The following WDPCP variants were observed in gnomAD, a reference collection of about 807,000 sequenced individuals.
The protein encoded by WDPCP is WD repeat-containing and planar cell polarity effector protein fritz homolog.
A neutral mutation model predicts 93.1 loss-of-function variants in WDPCP; 71 were observed. The ratio of observed to expected loss-of-function variants is 0.76; its 90% confidence interval spans 0.63 to 0.93. WDPCP has a LOEUF of 0.93. Ranked by LOEUF, WDPCP falls within the 40% of genes least tolerant of loss-of-function variation. The probability of loss-of-function intolerance (pLI) is 0.00; values close to 1 mark genes in which losing one functional copy is unlikely to be tolerated. For synonymous variants in WDPCP, 315 were observed against 315.0 expected, an observed-to-expected ratio of 1.00 and a Z score of 0.00; for missense variants, 844 against 887.4, an observed-to-expected ratio of 0.95 and a Z score of 0.62.
Position 63,159,914 on chromosome 2 carries a change from T to C in WDPCP, c.2079-6340A>G, listed in dbSNP as rs1197764907. Among the ~76,000 whole-genome samples, 10 of 152,230 alleles carry C rather than the reference T, an allele frequency of 6.6e-5. No homozygotes were observed. In the East Asian group the frequency reaches 1.9e-3, roughly 29 times the overall value. On this transcript the variant is annotated intron_variant, in intron 15 of 17. Coordinates refer to ENST00000272321, the MANE Select transcript of WDPCP (RefSeq NM_015910.7). ...GGGGTTGTTTTCACAAGCTTTCATG[T>C]CTGCAATCTCCTTTGGTGCTTTCTG...
intron 12 of WDPCP, among the ~76,000 whole-genome samples, chr2:63,342,269 T>C (rs571334304): frequency 4.6e-5 from 7 of 152,152 alleles, no homozygotes; most frequent in Admixed American, 1.3e-4. Flanking sequence ...TACCTGGGGA[T>C]TGGGGACCCT....
At chr2:63,530,325 C>T (rs2106229065) in intron 1 of WDPCP, among the ~76,000 whole-genome samples, 1 of 152,252 alleles carries the variant, frequency 6.6e-6, no homozygotes, top group East Asian at 1.9e-4. Context: ...CCTGCTTTCT[C>T]TTGTGGGCAT....
chr2:63,356,410 A>G (rs1690024617), intron 12 of WDPCP, among the ~76,000 whole-genome samples: 1 of 152,244 alleles, frequency 6.6e-6, no homozygotes, highest in South Asian at 2.1e-4. Context: ...ACCTGAACTC[A>G]GCATTGAACC....
chr2:63,545,857 TAA>T (rs76994891), intron 1 of WDPCP, among the ~76,000 whole-genome samples: 42 of 131,942 alleles, frequency 3.2e-4, no homozygotes, highest in Admixed American at 5.4e-4. Flanking sequence ...CGCTCAGATT[TAA>T]AAAAAAAAAA....
At chr2:63,620,491 G>A (rs1380688844) in intron 3 of WDPCP, among the ~76,000 whole-genome samples, 2 of 152,148 alleles carry the variant, frequency 1.3e-5, no homozygotes, top group Non-Finnish European at 2.9e-5. Context: ...CCTCTGGGCA[G>A]GACATCCCTG....
intron 2 of WDPCP, among the ~76,000 whole-genome samples, chr2:63,690,602 A>T (rs1378594809): frequency 2.0e-5 from 3 of 152,054 alleles, no homozygotes; most frequent in Non-Finnish European, 4.4e-5. Context: ...AAAAATACAA[A>T]AACTAGGCAG....
intron 12 of WDPCP, among the ~76,000 whole-genome samples, chr2:63,363,879 A>G (rs1484033530): frequency 2.0e-5 from 3 of 152,050 alleles, no homozygotes; most frequent in African/African-American, 7.2e-5. Context: ...ATTAACCAAG[A>G]TAATACCCAA....
chr2:63,404,408 A>T lies in WDPCP; in HGVS notation c.1075T>A (p.Ser359Thr). ...EDKLILGCED[S>T]SLILYETHRR... ...TGAGTTTCATAAAGAATTAGCGAAGAATCTTCACAGCCCAGAATCAGTTTG... is the reference window on the plus strand; with the variant it reads ...TGAGTTTCATAAAGAATTAGCGAAGTATCTTCACAGCCCAGAATCAGTTTG... Residue 359 changes from serine (S) to threonine (T), a missense_variant, in exon 10 of 18, where the codon TCT becomes ACT. Ser to Thr is a moderately conservative substitution (Grantham distance 58, BLOSUM62 1). Transcript: ENST00000272321. 1 of 1,614,202 alleles carries T rather than the reference A, an allele frequency of 6.2e-7. No homozygotes were observed. The highest frequency in any genetic ancestry group is 1.1e-5 in the South Asian group (1 of 91,084).
At chr2:63,663,263 G>A (rs767299532) in intron 2 of WDPCP, among the ~76,000 whole-genome samples, 2 of 152,192 alleles carry the variant, frequency 1.3e-5, no homozygotes, top group South Asian at 2.1e-4. Context: ...AATGCAGGAC[G>A]ACTATTATTT....
intron 3 of WDPCP, among the ~76,000 whole-genome samples, chr2:63,613,064 C>G (rs138611547): frequency 2.6e-5 from 4 of 152,190 alleles, no homozygotes; most frequent in African/African-American, 9.6e-5. Flanking sequence ...TGTTAAAGTA[C>G]TTGGACAGTT....
intron 14 of WDPCP, among the ~76,000 whole-genome samples, chr2:63,218,014 G>C (rs988576305): frequency 1.2e-4 from 18 of 152,136 alleles, no homozygotes; most frequent in African/African-American, 2.4e-5. Flanking sequence ...TCATTATTGA[G>C]TACTAATTTA....
upstream of WDPCP, chr2:63,591,059 T>C (rs1709193560): frequency 6.6e-6 from 1 of 152,248 alleles, no homozygotes; most frequent in African/African-American, 2.4e-5. Context: ...GCTCTGTCTG[T>C]GGAATAACAG....
At position 63,153,540 on chromosome 2, in the gene WDPCP, C is replaced by A. The variant is rs200378703; in HGVS notation, c.2113G>T (p.Asp705Tyr). ...IIDRRNELEK[D>Y]ICSGFLMTNT... ...GTCATCAAAAATCCAGAACAGATGT[C>A]TTTTTCAAGTTCATTCCTTCTGTCA... The change falls in exon 16 of 18, where the codon GAC becomes TAC. Residue 705 changes from aspartate (D) to tyrosine (Y), a missense_variant. Asp to Tyr is a radical substitution (Grantham distance 160, BLOSUM62 -3). Transcript: ENST00000272321. The A allele has an allele frequency of 9.9e-5, 159 of 1,612,354 alleles. No individual in the cohort carries two copies. The highest frequency in any genetic ancestry group is 2.7e-5 in the African/African-American group (2 of 74,836).
rs766821661 is a variant in WDPCP at position 63,381,984 on chromosome 2, G to C, written c.1546C>G (p.Leu516Val). 6.2e-6 allele frequency: 10 copies of C among 1,613,426 alleles called. No homozygotes were observed. The highest frequency in any genetic ancestry group is 8.5e-6 in the Non-Finnish European group (10 of 1,179,746). The change falls in exon 11 of 18, where the codon CTG becomes GTG. Residue 516 changes from leucine (L) to valine (V), a missense_variant. Transcript: ENST00000272321. ...NILSSMNWDT[L>V]GHQCFISMSA... ...ATGCTGATAAAGCACTGGTGGCCCA[G>C]AGTGTCCCAGTTCATGCTGCTCAGG...
the WDPCP span, among the ~76,000 whole-genome samples, chr2:63,839,314 C>G: frequency 6.6e-6 from 1 of 152,178 alleles, no homozygotes; most frequent in Admixed American, 6.5e-5. Flanking sequence ...AATCCCAGCA[C>G]TTTGGGAGGC....
At chr2:63,728,721 G>A (rs1200282402) in intron 2 of WDPCP, among the ~76,000 whole-genome samples, 1 of 151,944 alleles carries the variant, frequency 6.6e-6, no homozygotes, top group Admixed American at 6.6e-5. Flanking sequence ...CTTTAGTGTT[G>A]GCATCCTTCC....
intron 2 of WDPCP, among the ~76,000 whole-genome samples, chr2:63,791,628 T>C (rs1670547268): frequency 6.6e-6 from 1 of 152,136 alleles, no homozygotes; most frequent in Non-Finnish European, 1.5e-5. Context: ...CCTTGGACAC[T>C]GAATGGAGCT....
chr2:63,260,759 A>G, intron 13 of WDPCP, among the ~76,000 whole-genome samples: 1 of 152,160 alleles, frequency 6.6e-6, no homozygotes, highest in Admixed American at 6.5e-5. Flanking sequence ...CATGATGATC[A>G]GGCTAGTCTC....
At chr2:63,807,211 C>T (rs1316618526) in intron 2 of WDPCP, among the ~76,000 whole-genome samples, 2 of 152,226 alleles carry the variant, frequency 1.3e-5, no homozygotes, top group Admixed American at 1.3e-4. Context: ...GGGTCCCTGA[C>T]TTCCCGCAAC....
Sources: gnomAD v4.1 joint callset for allele counts (sites outside exome capture counted in the v4.1 genomes callset) on GRCh38, gnomAD v4.1.1 for gene constraint, MANE v1.5 for transcripts, NCBI Gene and HGNC (gene_info 2026-07-23, HGNC 2026-07-21) for gene names.